ZGRF1: variants seen among roughly 807,000 people sequenced by gnomAD.
ZGRF1 encodes 5'-3' DNA helicase ZGRF1.
In ZGRF1, 196 loss-of-function variants were observed where a neutral mutation model predicts 203.5. The ratio of observed to expected loss-of-function variants is 0.96; its 90% confidence interval spans 0.86 to 1.08. The LOEUF (loss-of-function observed/expected upper bound fraction) is 1.08, where lower values mean the gene tolerates loss of function less well. Among genes scored for constraint, ZGRF1 ranks in the 50% least tolerant of loss-of-function variants. The probability of loss-of-function intolerance (pLI) is 0.00; values close to 1 mark genes in which losing one functional copy is unlikely to be tolerated. For synonymous variants in ZGRF1, 809 were observed against 841.3 expected, an observed-to-expected ratio of 0.96 and a Z score of 0.66; for missense variants, 2,326 against 2,416.3, an observed-to-expected ratio of 0.96 and a Z score of 0.78.
intron 15 of ZGRF1, among the ~76,000 whole-genome samples, chr4:112,583,452 T>C (rs374734637): frequency 1.3e-5 from 2 of 152,204 alleles, no homozygotes; most frequent in South Asian, 2.1e-4. Context: ...AGCACCCTGC[T>C]AGTTATCCTG....
At chr4:112,572,943 A>G (rs1744454735) in intron 16 of ZGRF1, among the ~76,000 whole-genome samples, 1 of 152,202 alleles carries the variant, frequency 6.6e-6, no homozygotes, top group African/African-American at 2.4e-5. Flanking sequence ...TTACACTGCT[A>G]GTGGAAATGT....
Position 112,548,355 on chromosome 4 carries a change from GC to G in ZGRF1, c.5371del (p.Ala1791GlnfsTer8). 6.4e-7 allele frequency: 1 copy of G among 1,554,830 alleles called. No individual in the cohort carries two copies. Among genetic ancestry groups the G allele is most frequent in the Non-Finnish European group, 8.7e-7 (1 of 1,148,472 alleles). ...KQVRVVGVTC[A>X]ACPFPCMNDL... Reference sequence around the variant, plus strand: ...ATTCATGCATGGGAATGGGCAGGCTGCACAGGTAACTCCAACTACTCGAACC... The same window carrying G: ...ATTCATGCATGGGAATGGGCAGGCTGACAGGTAACTCCAACTACTCGAACC... On this transcript the variant is annotated frameshift_variant, in exon 23 of 28. Transcript: ENST00000505019. LOFTEE classifies it high-confidence loss of function.
chr4:112,545,932 A>G (rs1738660249), intron 24 of ZGRF1, among the ~76,000 whole-genome samples: 1 of 152,156 alleles, frequency 6.6e-6, no homozygotes, highest in Non-Finnish European at 1.5e-5. Flanking sequence ...AGAAAGTAGA[A>G]CACAGGTTAC....
intron 22 of ZGRF1, 57 bp from the exon 23 acceptor site, chr4:112,548,437 G>A (rs1001697861): frequency 7.1e-5 from 97 of 1,375,360 alleles, no homozygotes; most frequent in Non-Finnish European, 8.7e-5. Context: ...ATAAGAGAAC[G>A]TATTTACCAA....
In ZGRF1 at chr4:112,618,693, T is replaced by A. The variant is rs2046967720; in HGVS notation, c.1349A>T (p.Lys450Ile). ...PFNQNDKGCI[K>I]GSVLIKENAQ... ...ATTTTCTTTAATGAGAACTGATCCT[T>A]TAATGCACCCCTTGTCATTTTGATT... Residue 450 changes from lysine (K) to isoleucine (I), a missense_variant, in exon 6 of 28, where the codon AAA becomes ATA. Lys to Ile is a moderately radical substitution (Grantham distance 102). Transcript: ENST00000505019. 1.2e-6 allele frequency: 2 copies of A among 1,612,184 alleles called. No homozygotes were observed. The highest frequency in any genetic ancestry group is 2.2e-5 in the South Asian group (2 of 90,906).
In ZGRF1 at chr4:112,631,885, G is replaced by A. The variant is rs373718272; in HGVS notation, c.102+45C>T. 11 of 1,011,320 alleles carry A rather than the reference G, an allele frequency of 1.1e-5. 1 individual carries two copies. In the Middle Eastern group the frequency reaches 8.5e-4, roughly 78 times the overall value. 62.6% of individuals were successfully genotyped at this position (1,011,320 alleles called of 1,614,324 possible). On this transcript the variant is annotated intron_variant, in intron 3 of 27. Coordinates refer to ENST00000505019, the MANE Select transcript of ZGRF1 (RefSeq NM_018392.5). ...TTTTTTAAATATTCAATCAAAAATCGAGAACCTTGCTCTTGCACCCTATAG... is the reference window on the plus strand; with the variant it reads ...TTTTTTAAATATTCAATCAAAAATCAAGAACCTTGCTCTTGCACCCTATAG...
Position 112,606,015 on chromosome 4 carries a change from T to TCA in ZGRF1, c.2793_2794dup (p.Asp932ValfsTer13), listed in dbSNP as rs1156562022. 2.5e-6 allele frequency: 4 copies of TCA among 1,588,786 alleles called. No homozygotes were observed. The South Asian group carries it at 4.6e-5, about 18-fold the overall frequency. On this transcript the variant is annotated frameshift_variant, in exon 9 of 28. Coordinates refer to ENST00000505019, the MANE Select transcript of ZGRF1 (RefSeq NM_018392.5). LOFTEE classifies it high-confidence loss of function. ...GTTCTTCACAAATTTTACCTTAGGG[T>TCA]CACAGGTTTTTCTCTCTATTTGTTT... is the stretch of plus-strand genomic sequence containing the variant.
chr4:112,624,656 AG>A (rs2149185586), intron 3 of ZGRF1, among the ~76,000 whole-genome samples: 2 of 151,528 alleles, frequency 1.3e-5, no homozygotes, highest in South Asian at 4.2e-4. Context: ...GTTAAATGTG[AG>A]GGGTAAGGGG....
rs1181723575 is a variant in ZGRF1, at chr4:112,579,363, A to C, written c.4438+2300T>G. ...AGCATTCCCTTTGAAAACTGGCACA[A>C]GACACGGATGCGCTCTCTCACCACT... On this transcript the variant is annotated intron_variant, in intron 16 of 27. Transcript: ENST00000505019. Among the ~76,000 whole-genome samples the C allele has an allele frequency of 1.6e-5, 2 of 123,270 alleles. 1 individual carries two copies. The highest frequency in any genetic ancestry group is 3.6e-5 in the Non-Finnish European group (2 of 55,176). The allele number at this position is 123,270 out of a possible 152,430, so 80.9% of individuals were successfully genotyped here. A position where few individuals can be genotyped will look rare whatever the true frequency, so the allele number is the denominator to read the frequency against.
At position 112,619,608 on chromosome 4, in the gene ZGRF1, T is replaced by G. The variant is rs755154387; in HGVS notation, c.434A>C (p.Lys145Thr). 27 of 1,613,976 alleles carry G rather than the reference T, an allele frequency of 1.7e-5. No individual in the cohort carries two copies. Among genetic ancestry groups the G allele is most frequent in the Non-Finnish European group, 2.3e-5 (27 of 1,179,988 alleles). ...GESAASHEAK[K>T]TGPTIFSPFC... ...TGGAGAAAAAATAGTAGGGCCAGTT[T>G]TCTTAGCCTCATGTGATGCAGCTGA... The change falls in exon 6 of 28, where the codon AAA becomes ACA. Residue 145 changes from lysine to threonine, a missense_variant. Transcript: ENST00000505019.
In ZGRF1 at chr4:112,539,658, C is replaced by A. The variant is rs140258728; in HGVS notation, c.6204G>T (p.Gln2068His). Residue 2068 changes from glutamine (Q) to histidine (H), a missense_variant, in exon 28 of 28, where the codon CAG becomes CAT. Gln to His is a conservative substitution (Grantham distance 24). Transcript: ENST00000505019. ...GGAGATGGTTCAGCTGTGGTTCATA[C>A]TGGTTTGCATGTTGCAATCCATCTT... is the stretch of plus-strand genomic sequence containing the variant. ...GREDGLQHANQYEPQLNHLLK... is the reference protein window; with the variant it reads ...GREDGLQHANHYEPQLNHLLK... 715 of 1,607,656 alleles carry A rather than the reference C, an allele frequency of 4.4e-4. 1 individual carries two copies. The highest frequency in any genetic ancestry group is 3.1e-3 in the Admixed American group (184 of 58,850).
At position 112,539,964 on chromosome 4, in the gene ZGRF1, T is replaced by C. The variant is rs770953782; in HGVS notation, c.6071A>G (p.Asn2024Ser). Residue 2024 changes from asparagine to serine, a missense_variant, in exon 27 of 28, where the codon AAT (asparagine) becomes AGT (serine). Transcript: ENST00000505019. ...CCTCTTTCCTCTAGTCAATGCAACA[T>C]TCATTCTTTTTTCTGAATCAATGAA... ...VGFIDSEKRMNVALTRGKRHL... is the reference protein window; with the variant it reads ...VGFIDSEKRMSVALTRGKRHL... The C allele has an allele frequency of 1.2e-6, 2 of 1,613,844 alleles. No homozygotes were observed. Among genetic ancestry groups the C allele is most frequent in the South Asian group, 1.1e-5 (1 of 91,076 alleles).
chr4:112,617,788 C>T lies in ZGRF1; in HGVS notation c.2254G>A (p.Ala752Thr), dbSNP rs745477731. Residue 752 changes from alanine (A) to threonine (T), a missense_variant, in exon 6 of 28, where the codon GCA (alanine) becomes ACA (threonine). Transcript: ENST00000505019. ...NTNQNHYECI[A>T]LDKSNTHISN... The stretch of plus-strand genomic sequence containing the variant: ...ATGTGGGTATTTGATTTATCAAGTG[C>T]AATACATTCATAGTGATTCTGATTG... 8.1e-6 allele frequency: 13 copies of T among 1,613,732 alleles called. No homozygotes were observed. The South Asian group carries it at 1.4e-4, about 18-fold the overall frequency.
Position 112,618,442 on chromosome 4 carries a change from G to A in ZGRF1, c.1600C>T (p.Leu534=), listed in dbSNP as rs145132710. 204 of 1,613,628 alleles carry A rather than the reference G, an allele frequency of 1.3e-4. No homozygotes were observed. The highest frequency in any genetic ancestry group is 1.5e-4 in the Non-Finnish European group (177 of 1,179,878). Reference sequence around the variant, plus strand: ...GTGTCACTGGTCTCAAAATTGTTCAGATTAAAAGTTACCTCCAAAAATGGT... The same window carrying A: ...GTGTCACTGGTCTCAAAATTGTTCAAATTAAAAGTTACCTCCAAAAATGGT... ...TQPFLEVTFN[L]NNFETSDTEE... The change falls in exon 6 of 28, where the codon CTG becomes TTG. Residue 534 remains leucine, a synonymous_variant. Coordinates refer to ENST00000505019, the MANE Select transcript of ZGRF1 (RefSeq NM_018392.5).
In ZGRF1 at chr4:112,633,110, C is replaced by T. The variant is rs781186051; in HGVS notation, c.21+46G>A. 6 of 1,556,510 alleles carry T rather than the reference C, an allele frequency of 3.9e-6. No individual in the cohort carries two copies. The African/African-American group carries it at 5.4e-5, about 14-fold the overall frequency. On this transcript the variant is annotated intron_variant, in intron 2 of 27. Transcript: ENST00000505019. Reference sequence around the variant, plus strand: ...GTGAAACGCCTTTAAAAGAAAGAGACAGAGGAAGGGAATTTCACCAAACTG... The same window carrying T: ...GTGAAACGCCTTTAAAAGAAAGAGATAGAGGAAGGGAATTTCACCAAACTG...
At chr4:112,595,557 AAT>A (rs1253850158) in intron 10 of ZGRF1, among the ~76,000 whole-genome samples, 1 of 151,986 alleles carries the variant, frequency 6.6e-6, no homozygotes, top group Non-Finnish European at 1.5e-5. Flanking sequence ...ACAAAACATA[AAT>A]ATATATGTTT....
chr4:112,571,466 A>T (rs1012207024), intron 16 of ZGRF1, among the ~76,000 whole-genome samples: 16 of 152,218 alleles, frequency 1.1e-4, no homozygotes, highest in Non-Finnish European at 2.4e-4. Flanking sequence ...AAACTTCTAC[A>T]GGGAAATTTG....
At position 112,609,359 on chromosome 4, in the gene ZGRF1, T is replaced by C; in HGVS notation, c.2718+20A>G. ...TGAGCCACCATGCCCAGGGGCTAAT[T>C]TATATTTTAAATAACTTACCTGCAC... On this transcript the variant is annotated intron_variant, in intron 8 of 27. Coordinates refer to ENST00000505019, the MANE Select transcript of ZGRF1 (RefSeq NM_018392.5). 9 of 1,483,740 alleles carry C rather than the reference T, an allele frequency of 6.1e-6. No homozygotes were observed. Among genetic ancestry groups the C allele is most frequent in the Non-Finnish European group, 8.2e-6 (9 of 1,096,964 alleles). The allele number at this position is 1,483,740 out of a possible 1,614,324, so 91.9% of individuals were successfully genotyped here. A position where few individuals can be genotyped will look rare whatever the true frequency, so the allele number is the denominator to read the frequency against.
At chr4:112,552,509 C>G (rs922430156) in intron 22 of ZGRF1, among the ~76,000 whole-genome samples, 1 of 151,852 alleles carries the variant, frequency 6.6e-6, no homozygotes, top group Non-Finnish European at 1.5e-5. Flanking sequence ...ATCATTGTTA[C>G]GTTGGGTGAG....
Sources: gnomAD v4.1 joint callset for allele counts (sites outside exome capture counted in the v4.1 genomes callset) on GRCh38, gnomAD v4.1.1 for gene constraint, MANE v1.5 for transcripts, NCBI Gene and HGNC (gene_info 2026-07-23, HGNC 2026-07-21) for gene names.